Variants in HS6ST3 observed in about 807,000 individuals in gnomAD.
HS6ST3 encodes heparan-sulfate 6-O-sulfotransferase 3.
HS6ST3 carries 12 observed loss-of-function variants against 36.7 expected under a neutral mutation model. The observed-to-expected ratio is 0.33, with a 90% CI of 0.21 to 0.53. HS6ST3 has a LOEUF of 0.53. Among genes scored for constraint, HS6ST3 ranks in the 20% least tolerant of loss-of-function variants. The pLI is 0.95. For missense variants in HS6ST3, 584 were observed against 640.9 expected (o/e 0.91, Z 0.96); for synonymous variants, 240 against 257.5 (o/e 0.93, Z 0.65).
intron 1 of HS6ST3, among the ~76,000 whole-genome samples, chr13:96,288,760 G>T (rs1279361603): frequency 6.6e-6 from 1 of 152,008 alleles, no homozygotes; most frequent in Non-Finnish European, 1.5e-5. Flanking sequence ...TAGAGAAAAA[G>T]ATGCCTTATT....
intron 1 of HS6ST3, among the ~76,000 whole-genome samples, chr13:96,799,982 G>GTATATATATATATGTA (rs1566456842): frequency 1.5e-4 from 12 of 82,586 alleles, no homozygotes; most frequent in Admixed American, 2.4e-4. Context: ...ATATATATAT[G>GTATATATATATATGTA]TATATATATA....
At chr13:96,765,006 T>C (rs1180295410) in intron 1 of HS6ST3, among the ~76,000 whole-genome samples, 1 of 152,054 alleles carries the variant, frequency 6.6e-6, no homozygotes, top group Non-Finnish European at 1.5e-5. Flanking sequence ...AAATGGAAAG[T>C]AACTAGAATT....
At chr13:96,093,641 C>T (rs1566880279) in intron 1 of HS6ST3, among the ~76,000 whole-genome samples, 1 of 151,760 alleles carries the variant, frequency 6.6e-6, no homozygotes, top group Non-Finnish European at 1.5e-5. Flanking sequence ...TCTTTTCCTT[C>T]CCACCCTCTC....
chr13:96,643,560 T>TTG (rs947904417), intron 1 of HS6ST3, among the ~76,000 whole-genome samples: 8 of 151,460 alleles, frequency 5.3e-5, no homozygotes, highest in South Asian at 2.1e-4. Flanking sequence ...TGCCTCTGAT[T>TTG]TGTGTGTGTG....
In HS6ST3 at chr13:96,091,069, C is replaced by T; in HGVS notation, c.207C>T (p.Pro69=). 7.8e-7 allele frequency: 1 copy of T among 1,277,442 alleles called. No homozygotes were observed. The highest frequency in any genetic ancestry group is 9.8e-7 in the Non-Finnish European group (1 of 1,015,886). The allele number at this position is 1,277,442 out of a possible 1,614,324, so 79.1% of individuals were successfully genotyped here. ...QAPPEEWERR[P]QLPPPPRGPP... ...CGCCGGAGGAGTGGGAGCGGCGGCC[C>T]CAGTTGCCCCCGCCGCCCCGGGGGC... The change falls in exon 1 of 2, where the codon CCC becomes CCT. Residue 69 remains proline, a synonymous_variant. Coordinates refer to ENST00000376705, the MANE Select transcript of HS6ST3 (RefSeq NM_153456.4).
At chr13:96,337,749 C>T (rs903634243) in intron 1 of HS6ST3, among the ~76,000 whole-genome samples, 4 of 151,784 alleles carry the variant, frequency 2.6e-5, no homozygotes, top group African/African-American at 9.7e-5. Context: ...TATAATTTCT[C>T]TCCCTCTATT....
At chr13:96,572,514 A>G (rs2138962925) in intron 1 of HS6ST3, among the ~76,000 whole-genome samples, 1 of 152,260 alleles carries the variant, frequency 6.6e-6, no homozygotes, top group Middle Eastern at 3.4e-3. Context: ...GCCCTACAGT[A>G]GATATATCTG....
In HS6ST3 at chr13:96,417,250, A is replaced by G. The variant is rs115765607; in HGVS notation, c.707+325681A>G. Among the ~76,000 whole-genome samples, 958 of 152,266 alleles carry G rather than the reference A, an allele frequency of 6.3e-3. 8 individuals are homozygous for G. The highest frequency in any genetic ancestry group is 0.022 in the African/African-American group (914 of 41,546). On this transcript the variant is annotated intron_variant, in intron 1 of 1. Coordinates refer to ENST00000376705, the MANE Select transcript of HS6ST3 (RefSeq NM_153456.4). ...ATTCATTTACCTAATGCTATGTACA[A>G]GGTACCTGTGCAAGGAGCTGGAGGT...
At chr13:96,787,716 A>G (rs575587338) in intron 1 of HS6ST3, among the ~76,000 whole-genome samples, 7 of 152,088 alleles carry the variant, frequency 4.6e-5, no homozygotes, top group Non-Finnish European at 8.8e-5. Context: ...GTAGCTTGTC[A>G]GTTCTTCCTC....
chr13:96,289,552 C>T (rs1467757337), intron 1 of HS6ST3, among the ~76,000 whole-genome samples: 2 of 152,004 alleles, frequency 1.3e-5, no homozygotes, highest in African/African-American at 2.4e-5. Flanking sequence ...CATTATTTTA[C>T]ATATATGCAA....
At chr13:96,461,349 A>T (rs2055783346) in intron 1 of HS6ST3, among the ~76,000 whole-genome samples, 1 of 152,132 alleles carries the variant, frequency 6.6e-6, no homozygotes, top group African/African-American at 2.4e-5. Context: ...ACAACAACAA[A>T]ATTTGTTTAA....
intron 1 of HS6ST3, among the ~76,000 whole-genome samples, chr13:96,141,442 C>T (rs1365154513): frequency 1.3e-5 from 2 of 152,030 alleles, no homozygotes; most frequent in African/African-American, 4.8e-5. Flanking sequence ...CATCCTCAAA[C>T]TCCTGGGCTG....
At chr13:96,344,374 A>C (rs529487686) in intron 1 of HS6ST3, among the ~76,000 whole-genome samples, 1 of 152,358 alleles carries the variant, frequency 6.6e-6, no homozygotes, top group South Asian at 2.1e-4. Flanking sequence ...CTTCTGTGAG[A>C]TAAGTATAGT....
intron 1 of HS6ST3, among the ~76,000 whole-genome samples, chr13:96,688,087 G>A (rs1374168048): frequency 2.7e-5 from 4 of 150,868 alleles, no homozygotes; most frequent in Non-Finnish European, 5.9e-5. Context: ...GGGGGGGGGG[G>A]AGGGATAGCA....
chr13:96,450,333 G>T (rs940017420), intron 1 of HS6ST3, among the ~76,000 whole-genome samples: 1 of 151,982 alleles, frequency 6.6e-6, no homozygotes, highest in African/African-American at 2.4e-5. Flanking sequence ...GATTTGTTTT[G>T]AGACTTATTT....
chr13:96,577,454 G>C (rs1296153387), intron 1 of HS6ST3, among the ~76,000 whole-genome samples: 4 of 152,124 alleles, frequency 2.6e-5, no homozygotes, highest in African/African-American at 9.7e-5. Context: ...TTGCTGTTGT[G>C]AATAGTGCTG....
chr13:96,708,908 T>C (rs1255183115), intron 1 of HS6ST3, among the ~76,000 whole-genome samples: 1 of 152,180 alleles, frequency 6.6e-6, no homozygotes, highest in Non-Finnish European at 1.5e-5. Flanking sequence ...CCCTGCCCCG[T>C]TCCTAAACGT....
intron 1 of HS6ST3, among the ~76,000 whole-genome samples, chr13:96,561,761 G>C (rs566259415): frequency 5.8e-4 from 88 of 152,154 alleles, no homozygotes; most frequent in Admixed American, 1.7e-3. Context: ...CAAGCAGCTA[G>C]CAAACATATA....
chr13:96,484,061 A>G (rs1312784871), intron 1 of HS6ST3, among the ~76,000 whole-genome samples: 1 of 152,078 alleles, frequency 6.6e-6, no homozygotes. Context: ...CTATATTTAT[A>G]TGGATCTATT....
Sources: gnomAD v4.1 joint callset for allele counts (sites outside exome capture counted in the v4.1 genomes callset) on GRCh38, gnomAD v4.1.1 for gene constraint, MANE v1.5 for transcripts, NCBI Gene and HGNC (gene_info 2026-07-23, HGNC 2026-07-21) for gene names.